The following TFDP1 variants were observed in gnomAD, a reference collection of about 807,000 sequenced individuals.
TFDP1 encodes the protein transcription factor Dp-1, also known as DRTF1-polypeptide 1.
Under a neutral mutation model 48.0 loss-of-function variants are expected in TFDP1, and 6 were observed. The ratio of observed to expected loss-of-function variants is 0.13; its 90% confidence interval spans 0.07 to 0.25. TFDP1 has a LOEUF of 0.25. TFDP1 is among the 10% of genes least tolerant of loss of function. TFDP1 has a pLI of 1.00. For missense variants in TFDP1, 335 were observed against 543.0 expected, an observed-to-expected ratio of 0.62 and a Z score of 3.81; for synonymous variants, 201 against 211.6, an observed-to-expected ratio of 0.95 and a Z score of 0.44.
intron 3 of TFDP1, among the ~76,000 whole-genome samples, chr13:113,616,308 T>C (rs950633459): frequency 1.3e-5 from 2 of 152,086 alleles, no homozygotes; most frequent in Admixed American, 6.5e-5. Context: ...TGGTGGCTCC[T>C]GTCTGTAGTC....
At chr13:113,593,002 C>T (rs545738327) in intron 2 of TFDP1, among the ~76,000 whole-genome samples, 6 of 126,444 alleles carry the variant, frequency 4.7e-5, no homozygotes, top group African/African-American at 9.3e-5. Flanking sequence ...GCTGTGCACG[C>T]GTCCTCAGCT....
Position 113,586,899 on chromosome 13 carries a change from A to G in TFDP1, c.12+1050A>G, listed in dbSNP as rs571373665. 5.3e-5 allele frequency among the ~76,000 whole-genome samples: 8 copies of G among 152,258 alleles called. No homozygotes were observed. The East Asian group carries it at 1.5e-3, about 29-fold the overall frequency. On this transcript the variant is annotated intron_variant, in intron 2 of 11. Coordinates refer to ENST00000375370, the MANE Select transcript of TFDP1 (RefSeq NM_007111.5). ...CTGCGAGACTACTTTTATCCTCTCC[A>G]CTGTGCTTGTCCGTACCATGCCCTG...
At chr13:113,610,739 A>G (rs779621733) in intron 2 of TFDP1, among the ~76,000 whole-genome samples, 3 of 152,192 alleles carry the variant, frequency 2.0e-5, no homozygotes, top group Non-Finnish European at 2.9e-5. Flanking sequence ...ATTTTTCAAG[A>G]CTGTGTGGAT....
chr13:113,634,116 G>C, intron 7 of TFDP1, 83 bp downstream of exon 7: 1 of 1,587,002 alleles, frequency 6.3e-7, no homozygotes, highest in Non-Finnish European at 8.6e-7. Flanking sequence ...AGAAGGGTCT[G>C]GGCTCCGTGC....
rs541552498 is a variant in TFDP1 at position 113,589,345 on chromosome 13, C to T, written c.12+3496C>T. 5.3e-5 allele frequency among the ~76,000 whole-genome samples: 8 copies of T among 152,264 alleles called. No homozygotes were observed. In the East Asian group the frequency reaches 1.4e-3, roughly 26 times the overall value. ...GAGGCCTGGTCTTGCCCAGCAGGAG[C>T]GCTGGCATAGCATGGATCACTTACA... On this transcript the variant is annotated intron_variant, in intron 2 of 11. Coordinates refer to ENST00000375370, the MANE Select transcript of TFDP1 (RefSeq NM_007111.5).
At chr13:113,635,207 G>A (rs944774547) in intron 8 of TFDP1, among the ~76,000 whole-genome samples, 1 of 152,166 alleles carries the variant, frequency 6.6e-6, no homozygotes, top group Non-Finnish European at 1.5e-5. Context: ...TGGTGTGGAG[G>A]GGGTTGTGTG....
chr13:113,637,953 G>T, intron 11 of TFDP1, 57 bp downstream of exon 11: 1 of 1,588,662 alleles, frequency 6.3e-7, no homozygotes, highest in Non-Finnish European at 8.6e-7. Context: ...CGGGGTCCAG[G>T]GGCCAAGGCA....
In TFDP1 at chr13:113,636,139, G is replaced by A. The variant is rs1429269819; in HGVS notation, c.839+11G>A. ...CATCTCCAATGACAAGTAGGTTGTGGGCGGGGAGCTGTTCCCTGGTCACCC... is the reference window on the plus strand; with the variant it reads ...CATCTCCAATGACAAGTAGGTTGTGAGCGGGGAGCTGTTCCCTGGTCACCC... On this transcript the variant is annotated intron_variant, in intron 9 of 11. Coordinates refer to ENST00000375370, the MANE Select transcript of TFDP1 (RefSeq NM_007111.5). 2.5e-6 allele frequency: 4 copies of A among 1,613,772 alleles called. No individual in the cohort carries two copies. The highest frequency in any genetic ancestry group is 3.4e-6 in the Non-Finnish European group (4 of 1,179,894).
In TFDP1 at chr13:113,607,240, CCTGAG is replaced by C. The variant is rs545145516; in HGVS notation, c.13-3754_13-3750del. 1.2e-3 allele frequency among the ~76,000 whole-genome samples: 189 copies of C among 152,344 alleles called. No homozygotes were observed. Among genetic ancestry groups the C allele is most frequent in the African/African-American group, 4.3e-3 (177 of 41,580 alleles). ...CAGGGCGTCATTCATCCCCCTGCCT[CCTGAG>C]CCCAGAGCTTCTCCAGGAGAAAGCT... On this transcript the variant is annotated intron_variant, in intron 2 of 11. Transcript: ENST00000375370. This position sits in a 1 kb window ranked among gnomAD's most constrained non-coding sequence, Gnocchi z 5.2.
At chr13:113,637,520 C>T (rs951924943) in intron 10 of TFDP1, 23 of 1,213,680 alleles carry the variant, frequency 1.9e-5, no homozygotes, top group African/African-American at 1.7e-4. Context: ...GATTCGGTTC[C>T]GTTTCACGAT....
In TFDP1 at chr13:113,623,263, A is replaced by G; in HGVS notation, c.163A>G (p.Asn55Asp). 1 of 1,612,572 alleles carries G rather than the reference A, an allele frequency of 6.2e-7. No individual in the cohort carries two copies. The highest frequency in any genetic ancestry group is 8.5e-7 in the Non-Finnish European group (1 of 1,179,394). The change falls in exon 4 of 12, where the codon AAT becomes GAT. Residue 55 changes from asparagine (N) to aspartate (D), a missense_variant. Around this residue, in one of 3 missense-constraint regions of TFDP1, gnomAD observed 103 missense variants for 140.4 expected, o/e 0.73. Coordinates refer to ENST00000375370, the MANE Select transcript of TFDP1 (RefSeq NM_007111.5). This position sits in a 1 kb window ranked among gnomAD's most constrained non-coding sequence, Gnocchi z 5.2. The stretch of plus-strand genomic sequence containing the variant: ...CTTGCCAAAAACCTTTGGACAGTCC[A>G]ATGTCAACATTGCCCAGCAAGTGGT... ...QLLPKTFGQS[N>D]VNIAQQVVIG...
At chr13:113,599,633 T>C (rs1198311470) in intron 2 of TFDP1, among the ~76,000 whole-genome samples, 1 of 152,182 alleles carries the variant, frequency 6.6e-6, no homozygotes, top group Non-Finnish European at 1.5e-5. Flanking sequence ...GTTGGATCAG[T>C]GTCCTGATAG....
At chr13:113,637,329 GAGATT>G in intron 10 of TFDP1, 11 of 290,230 alleles carry the variant, frequency 3.8e-5, no homozygotes, top group East Asian at 1.0e-4. Context: ...GAGAGGGTCA[GAGATT>G]CCTCCCTGAG....
At chr13:113,628,605 C>T (rs1268931517) in intron 4 of TFDP1, among the ~76,000 whole-genome samples, 2 of 152,246 alleles carry the variant, frequency 1.3e-5, no homozygotes, top group African/African-American at 4.8e-5. Context: ...GACCCACAGC[C>T]TCCCAGCTTT....
chr13:113,638,245 C>T (rs1284018858), intron 11 of TFDP1, among the ~76,000 whole-genome samples: 8 of 152,176 alleles, frequency 5.3e-5, no homozygotes, highest in Admixed American at 3.9e-4. Context: ...AACGCGTCTG[C>T]GGTCACAGCG....
rs773032297 is a variant in TFDP1 at position 113,633,299 on chromosome 13, G to C, written c.474+14G>C. ...CCAAACGAGTCAGTAAGTGTGTGCC[G>C]GGGGCCGAGAGGCTGGGGTGGCGGA... On this transcript the variant is annotated intron_variant, in intron 6 of 11. Transcript: ENST00000375370. This position sits in a 1 kb window ranked among gnomAD's most constrained non-coding sequence, Gnocchi z 4.5. The C allele has an allele frequency of 6.3e-7, 1 of 1,598,898 alleles. No homozygotes were observed. The highest frequency in any genetic ancestry group is 8.5e-7 in the Non-Finnish European group (1 of 1,170,224).
chr13:113,595,872 G>A (rs2048275032), intron 2 of TFDP1, among the ~76,000 whole-genome samples: 1 of 152,196 alleles, frequency 6.6e-6, no homozygotes, highest in Non-Finnish European at 1.5e-5. Context: ...CACAAGGTCA[G>A]GATATCGAGA....
rs772562350 is a variant in TFDP1 at position 113,635,961 on chromosome 13, C to T, written c.688-16C>T. 3.7e-6 allele frequency: 6 copies of T among 1,611,898 alleles called. No individual in the cohort carries two copies. The highest frequency in any genetic ancestry group is 5.1e-6 in the Non-Finnish European group (6 of 1,178,838). ...TGTGCCGCCACGGGCCACCTGGCTC[C>T]TCTTATTTTTTTTAGCAAATTGCCT... On this transcript the variant is annotated splice_polypyrimidine_tract_variant and intron_variant, in intron 8 of 11. Transcript: ENST00000375370.
intron 4 of TFDP1, among the ~76,000 whole-genome samples, chr13:113,626,937 G>A (rs377355275): frequency 3.9e-5 from 6 of 152,282 alleles, no homozygotes; most frequent in South Asian, 2.1e-4. Context: ...GGGGGGAAAC[G>A]AATGAGAAGA....
Sources: allele counts gnomAD v4.1 joint callset (sites outside exome capture counted in the v4.1 genomes callset), GRCh38; gene constraint gnomAD v4.1.1; regional missense constraint gnomAD v4.1.1; non-coding constraint Gnocchi (gnomAD v3.1); transcripts MANE v1.5; gene names NCBI Gene and HGNC (gene_info 2026-07-23, HGNC 2026-07-21).